BMPR1B: variants seen among roughly 807,000 people sequenced by gnomAD.
BMPR1B encodes the protein bone morphogenetic protein receptor type 1B, also known as bone morphogenetic protein receptor type-1B.
Under a neutral mutation model 59.1 loss-of-function variants are expected in BMPR1B, and 12 were observed. The ratio of observed to expected loss-of-function variants is 0.20; its 90% CI spans 0.13 to 0.33. The LOEUF (loss-of-function observed/expected upper bound fraction) is 0.33. Ranked by LOEUF, BMPR1B falls within the 10% of genes least tolerant of loss-of-function variation. BMPR1B has a pLI of 1.00. For synonymous variants in BMPR1B, 237 were observed against 207.3 expected, an observed-to-expected ratio of 1.14 and a Z score of -1.23; for missense variants, 550 against 610.9, an observed-to-expected ratio of 0.90 and a Z score of 1.05.
At chr4:95,134,763 C>T (rs1218474377) in intron 10 of BMPR1B, among the ~76,000 whole-genome samples, 1 of 152,018 alleles carries the variant, frequency 6.6e-6, no homozygotes. Flanking sequence ...TCTGGATTAG[C>T]CCTTTGTCAG....
At chr4:94,913,434 A>G (rs1728363686) in intron 2 of BMPR1B, among the ~76,000 whole-genome samples, 1 of 152,212 alleles carries the variant, frequency 6.6e-6, no homozygotes, top group Non-Finnish European at 1.5e-5. Context: ...GATTGAAACT[A>G]TTGCGGTAAA....
chr4:95,047,763 G>A (rs764044866), intron 3 of BMPR1B, among the ~76,000 whole-genome samples: 1 of 152,028 alleles, frequency 6.6e-6, no homozygotes, highest in Non-Finnish European at 1.5e-5. Flanking sequence ...TGATTTACTT[G>A]GTTATCCAGT....
intron 2 of BMPR1B, among the ~76,000 whole-genome samples, chr4:94,903,510 C>A (rs1320884605): frequency 6.8e-6 from 1 of 146,934 alleles, no homozygotes; most frequent in African/African-American, 2.5e-5. Context: ...TTGTATATTA[C>A]TTACTTTTTT....
intron 3 of BMPR1B, among the ~76,000 whole-genome samples, chr4:95,028,108 T>C (rs1724552361): frequency 1.3e-5 from 2 of 152,194 alleles, no homozygotes; most frequent in Admixed American, 1.3e-4. Flanking sequence ...TATTTCACTC[T>C]GAGGGCTCAT....
chr4:95,020,462 C>T lies in BMPR1B; in HGVS notation c.-18+24328C>T, dbSNP rs1723897246. 2.0e-5 allele frequency among the ~76,000 whole-genome samples: 3 copies of T among 151,978 alleles called. No homozygotes were observed. The South Asian group carries it at 6.2e-4, about 32-fold the overall frequency. ...GGCGTGGTGGTACATGCCTGTAGTC[C>T]CAAGTACTCAGGAGGCTGAGGCAGG... On this transcript the variant is annotated intron_variant, in intron 3 of 12. Coordinates refer to ENST00000515059, the MANE Select transcript of BMPR1B (RefSeq NM_001203.3).
chr4:95,136,653 C>T lies in BMPR1B; in HGVS notation c.1076+5141C>T, dbSNP rs145462964. 3.2e-3 allele frequency among the ~76,000 whole-genome samples: 484 copies of T among 152,132 alleles called. 3 individuals are homozygous for T. Among genetic ancestry groups the T allele is most frequent in the Non-Finnish European group, 4.2e-3 (285 of 67,984 alleles). On this transcript the variant is annotated intron_variant, in intron 10 of 12. Coordinates refer to ENST00000515059, the MANE Select transcript of BMPR1B (RefSeq NM_001203.3). ...TTTAGTCTTGGGAGGGTGTATGTGT[C>T]GAGGAATTTATCCATTTCTTCTATT...
intron 2 of BMPR1B, among the ~76,000 whole-genome samples, chr4:94,939,816 A>G (rs143161492): frequency 6.0e-4 from 91 of 152,294 alleles, no homozygotes; most frequent in African/African-American, 1.9e-3. Flanking sequence ...CCTGTTTTTT[A>G]TTTGACACCT....
At chr4:94,832,603 TA>T (rs1303126039) in intron 1 of BMPR1B, among the ~76,000 whole-genome samples, 4 of 151,830 alleles carry the variant, frequency 2.6e-5, no homozygotes, top group African/African-American at 9.7e-5. Flanking sequence ...CCAAACATGG[TA>T]AAACACCGTC....
At chr4:94,986,569 A>AT (rs1319314597) in intron 2 of BMPR1B, among the ~76,000 whole-genome samples, 2 of 151,764 alleles carry the variant, frequency 1.3e-5, no homozygotes, top group Admixed American at 1.3e-4. Flanking sequence ...CTCTTTAGTT[A>AT]TTTTTGACAC....
chr4:95,075,657 T>C (rs565280094), intron 3 of BMPR1B, among the ~76,000 whole-genome samples: 11 of 152,304 alleles, frequency 7.2e-5, no homozygotes, highest in African/African-American at 2.4e-4. Context: ...GTGGTACTAG[T>C]TGGCCTGCCT....
At chr4:95,137,214 C>T (rs868866687) in intron 10 of BMPR1B, among the ~76,000 whole-genome samples, 15 of 152,222 alleles carry the variant, frequency 9.9e-5, no homozygotes, top group Admixed American at 2.0e-4. Flanking sequence ...TGTAGTTGAG[C>T]GGTTTTGAGT....
At chr4:94,910,043 T>A in intron 2 of BMPR1B, among the ~76,000 whole-genome samples, 1 of 151,278 alleles carries the variant, frequency 6.6e-6, no homozygotes, top group Non-Finnish European at 1.5e-5. Context: ...AGACTCCGTC[T>A]CCAAAAAAAA....
At chr4:94,908,783 A>G (rs554613215) in intron 2 of BMPR1B, among the ~76,000 whole-genome samples, 2 of 152,146 alleles carry the variant, frequency 1.3e-5, no homozygotes, top group African/African-American at 4.8e-5. Flanking sequence ...CTTTAAAAAC[A>G]TTATAAAAAC....
At chr4:95,055,648 G>A (rs1445766958) in intron 3 of BMPR1B, among the ~76,000 whole-genome samples, 1 of 152,156 alleles carries the variant, frequency 6.6e-6, no homozygotes, top group Non-Finnish European at 1.5e-5. Flanking sequence ...GAAGAAAATG[G>A]CTAAACTATA....
At chr4:94,770,131 C>T (rs1214723746) in intron 1 of BMPR1B, among the ~76,000 whole-genome samples, 1 of 141,524 alleles carries the variant, frequency 7.1e-6, no homozygotes, top group Non-Finnish European at 1.5e-5. Flanking sequence ...ACCATCCTGT[C>T]GTTCACCTGA....
At chr4:94,794,785 T>A (rs1294642826) in intron 1 of BMPR1B, among the ~76,000 whole-genome samples, 1 of 151,206 alleles carries the variant, frequency 6.6e-6, no homozygotes, top group East Asian at 1.9e-4. Flanking sequence ...GAAGCAATTG[T>A]GAATGGGAGT....
chr4:95,148,846 T>C lies in BMPR1B; in HGVS notation c.1175T>C (p.Phe392Ser), dbSNP rs753253207. The C allele has an allele frequency of 3.1e-6, 5 of 1,614,056 alleles. No individual in the cohort carries two copies. The highest frequency in any genetic ancestry group is 1.1e-5 in the South Asian group (1 of 91,084). The change falls in exon 11 of 13, where the codon TTC (phenylalanine) becomes TCC (serine). Residue 392 changes from phenylalanine to serine, a missense_variant. Coordinates refer to ENST00000515059, the MANE Select transcript of BMPR1B (RefSeq NM_001203.3). ...VLDESLNRNH[F>S]QSYIMADMYS... ...GACGAGAGCTTGAACAGAAATCACT[T>C]CCAGTCTTACATCATGGCTGACATG...
At chr4:95,133,259 C>T (rs11945547) in intron 10 of BMPR1B, among the ~76,000 whole-genome samples, 15,781 of 152,124 alleles carry the variant, frequency 0.1, 2,015 homozygotes, top group African/African-American at 0.3. Context: ...TCTGTACATG[C>T]TGCCACTGAA....
At chr4:94,967,727 C>T (rs1730607861) in intron 2 of BMPR1B, among the ~76,000 whole-genome samples, 1 of 152,142 alleles carries the variant, frequency 6.6e-6, no homozygotes, top group Non-Finnish European at 1.5e-5. Flanking sequence ...CAAGTGAGCG[C>T]CTGCCTCAGC....
Sources: gnomAD v4.1 joint callset for allele counts (sites outside exome capture counted in the v4.1 genomes callset) on GRCh38, gnomAD v4.1.1 for gene constraint, MANE v1.5 for transcripts, NCBI Gene and HGNC (gene_info 2026-07-23, HGNC 2026-07-21) for gene names.